The following AFG2A variants were observed in gnomAD, a reference collection of about 807,000 sequenced individuals.
The protein encoded by AFG2A is ATPase family gene 2 protein homolog A.
At chr4:123,016,957 CAAA>C in the AFG2A span, among the ~76,000 whole-genome samples, 1 of 152,062 alleles carries the variant, frequency 6.6e-6, no homozygotes, top group East Asian at 1.9e-4. Context: ...CCGTCTCCAC[CAAA>C]AAAATACGAA....
the AFG2A span, among the ~76,000 whole-genome samples, chr4:123,023,125 T>C: frequency 4.0e-5 from 6 of 151,426 alleles, no homozygotes; most frequent in African/African-American, 1.5e-4. Flanking sequence ...GCATGGCACA[T>C]GTATACATAT....
the AFG2A span, among the ~76,000 whole-genome samples, chr4:122,937,787 A>G: frequency 6.6e-6 from 1 of 152,164 alleles, no homozygotes. Flanking sequence ...GCTCCAAGGG[A>G]TAGTATCTCT....
the AFG2A span, among the ~76,000 whole-genome samples, chr4:123,200,750 C>T: frequency 6.6e-6 from 1 of 152,180 alleles, no homozygotes; most frequent in Non-Finnish European, 1.5e-5. Context: ...ACGTGGACAA[C>T]TTTTTAACCT....
chr4:123,296,646 T>G, the AFG2A span, among the ~76,000 whole-genome samples: 1 of 152,192 alleles, frequency 6.6e-6, no homozygotes, highest in Admixed American at 6.5e-5. Context: ...ACAGTGTAGA[T>G]GCAACAAAAT....
the AFG2A span, among the ~76,000 whole-genome samples, chr4:123,236,156 C>G: frequency 2.6e-5 from 4 of 152,060 alleles, no homozygotes; most frequent in Middle Eastern, 3.2e-3. Flanking sequence ...AATTTTTACA[C>G]GTAAAATTTA....
At chr4:123,314,181 A>T in the AFG2A span, 1 of 770,850 alleles carries the variant, frequency 1.3e-6, no homozygotes, top group Non-Finnish European at 1.9e-6. Context: ...AAGTATGTTC[A>T]GTAGAATTTA....
At chr4:122,944,864 C>T in the AFG2A span, among the ~76,000 whole-genome samples, 1 of 152,162 alleles carries the variant, frequency 6.6e-6, no homozygotes, top group Non-Finnish European at 1.5e-5. Context: ...AGACAGGGCC[C>T]TCAGCTGCAG....
At chr4:122,934,804 A>G in the AFG2A span, 1 of 1,488,872 alleles carries the variant, frequency 6.7e-7, no homozygotes, top group Non-Finnish European at 9.0e-7. Flanking sequence ...GTTGACACTT[A>G]TGTAATGATT....
chr4:123,027,149 A>G, the AFG2A span, among the ~76,000 whole-genome samples: 1 of 152,102 alleles, frequency 6.6e-6, no homozygotes, highest in South Asian at 2.1e-4. Flanking sequence ...TATGTCATTA[A>G]TTGATCTCTC....
the AFG2A span, among the ~76,000 whole-genome samples, chr4:122,991,685 A>G: frequency 1.3e-5 from 2 of 152,182 alleles, no homozygotes; most frequent in Non-Finnish European, 2.9e-5. Context: ...TTCTCTAAGG[A>G]CTTATTGGTA....
At chr4:122,931,436 G>C in the AFG2A span, among the ~76,000 whole-genome samples, 4 of 151,910 alleles carry the variant, frequency 2.6e-5, no homozygotes. Context: ...ATTTCTCCTA[G>C]AGGGAAATAC....
the AFG2A span, among the ~76,000 whole-genome samples, chr4:123,291,257 A>G: frequency 1.3e-5 from 2 of 152,026 alleles, no homozygotes; most frequent in African/African-American, 4.8e-5. Flanking sequence ...GTGTTTCTTT[A>G]TCCATTCCAC....
chr4:123,255,715 C>CTTTTT, the AFG2A span, among the ~76,000 whole-genome samples: 123 of 103,830 alleles, frequency 1.2e-3, 6 homozygotes, highest in African/African-American at 2.0e-3. Flanking sequence ...TACTGCTTTT[C>CTTTTT]TATTTTTTTT....
chr4:123,181,875 A>G, the AFG2A span, among the ~76,000 whole-genome samples: 3 of 152,320 alleles, frequency 2.0e-5, no homozygotes, highest in African/African-American at 4.8e-5. Flanking sequence ...TTCTAATTTT[A>G]GATACACACT....
chr4:123,010,819 A>G, the AFG2A span, among the ~76,000 whole-genome samples: 1 of 152,340 alleles, frequency 6.6e-6, no homozygotes, highest in South Asian at 2.1e-4. Flanking sequence ...TTCTCAAGGC[A>G]AGTTCTTCTT....
the AFG2A span, among the ~76,000 whole-genome samples, chr4:122,997,958 T>G: frequency 6.6e-6 from 1 of 152,300 alleles, no homozygotes; most frequent in Non-Finnish European, 1.5e-5. Context: ...TAGGGAAATG[T>G]CTAGTCAGAT....
the AFG2A span, among the ~76,000 whole-genome samples, chr4:123,192,620 A>C: frequency 6.6e-6 from 1 of 152,250 alleles, no homozygotes; most frequent in South Asian, 2.1e-4. Context: ...GGTAAAGAAC[A>C]TCTCCTTCAC....
At chr4:122,999,016 A>C in the AFG2A span, among the ~76,000 whole-genome samples, 1 of 151,852 alleles carries the variant, frequency 6.6e-6, no homozygotes. Flanking sequence ...AACTGGTGTG[A>C]GATGGTATCT....
At chr4:123,180,064 A>G in the AFG2A span, among the ~76,000 whole-genome samples, 80 of 152,194 alleles carry the variant, frequency 5.3e-4, no homozygotes, top group East Asian at 0.015. Context: ...TACTGAAAAT[A>G]CAAAAATTAG....
Sources: allele counts gnomAD v4.1 joint callset (sites outside exome capture counted in the v4.1 genomes callset), GRCh38; gene constraint gnomAD v4.1.1; transcripts MANE v1.5; gene names NCBI Gene and HGNC (gene_info 2026-07-23, HGNC 2026-07-21).